The following ZMAT4 variants were observed in gnomAD, a reference collection of about 807,000 sequenced individuals.
The protein encoded by ZMAT4 is zinc finger matrin-type protein 4.
A neutral mutation model predicts 28.7 loss-of-function variants in ZMAT4; 17 were observed. The observed-to-expected ratio is 0.59, with a 90% CI of 0.41 to 0.89. The LOEUF is 0.89. ZMAT4 is among the 40% of genes least tolerant of loss of function. The pLI is 0.00. For missense variants in ZMAT4, 240 were observed against 283.8 expected (o/e 0.85, Z 1.11); for synonymous variants, 117 against 109.2 (o/e 1.07, Z -0.44).
At chr8:40,651,581 A>C (rs1807652251) in intron 5 of ZMAT4, among the ~76,000 whole-genome samples, 1 of 148,278 alleles carries the variant, frequency 6.7e-6, no homozygotes, top group Non-Finnish European at 1.5e-5. Flanking sequence ...AAACTACTTT[A>C]AAGTTCATAT....
At chr8:40,623,044 G>A (rs770206138) in intron 5 of ZMAT4, among the ~76,000 whole-genome samples, 2 of 152,220 alleles carry the variant, frequency 1.3e-5, no homozygotes, top group Non-Finnish European at 2.9e-5. Context: ...GTCAGAGTCT[G>A]TATTAAGTAC....
At chr8:40,698,662 T>C (rs567122274) in intron 3 of ZMAT4, among the ~76,000 whole-genome samples, 1 of 152,346 alleles carries the variant, frequency 6.6e-6, no homozygotes, top group South Asian at 2.1e-4. Flanking sequence ...TCCAGACTGC[T>C]AGAGAGAGTG....
intron 2 of ZMAT4, among the ~76,000 whole-genome samples, chr8:40,782,123 C>T (rs1813860291): frequency 6.6e-6 from 1 of 152,134 alleles, no homozygotes. Flanking sequence ...ACCGGTGGCT[C>T]ACACCTGTAA....
intron 1 of ZMAT4, among the ~76,000 whole-genome samples, chr8:40,841,758 TG>T (rs1312078549): frequency 6.6e-6 from 1 of 152,218 alleles, no homozygotes; most frequent in Non-Finnish European, 1.5e-5. Context: ...TAAAATGCAC[TG>T]GGAATGGAGT....
At chr8:40,645,599 A>C (rs555827878) in intron 5 of ZMAT4, among the ~76,000 whole-genome samples, 102 of 152,278 alleles carry the variant, frequency 6.7e-4, no homozygotes, top group African/African-American at 2.4e-3. Context: ...TCTTAGCCTA[A>C]AAACTGGAGC....
chr8:40,851,152 C>A lies in ZMAT4; in HGVS notation c.-4-25472G>T, dbSNP rs372068535. ...GACCAGCCTGGCCAACATGGTGAAA[C>A]CCTGTCTCTGCTAAAAATATAAAAC... On this transcript the variant is annotated intron_variant, in intron 1 of 6. Transcript: ENST00000297737. Among the ~76,000 whole-genome samples, 34 of 152,158 alleles carry A rather than the reference C, an allele frequency of 2.2e-4. No homozygotes were observed. The East Asian group carries it at 6.2e-3, about 28-fold the overall frequency.
In ZMAT4 at chr8:40,643,668, G is replaced by A. The variant is rs113211895; in HGVS notation, c.577+31036C>T. On this transcript the variant is annotated intron_variant, in intron 5 of 6. Coordinates refer to ENST00000297737, the MANE Select transcript of ZMAT4 (RefSeq NM_024645.3). ...ACAGAGCCCGGTGGAGAGAGGAAGC[G>A]AGCCCAGCCTGGAAGCATTCTATAG... Among the ~76,000 whole-genome samples the A allele has an allele frequency of 2.2e-4, 33 of 152,010 alleles. 1 individual carries two copies. The highest frequency in any genetic ancestry group is 7.2e-4 in the African/African-American group (30 of 41,470).
At chr8:40,790,113 A>G (rs1428570726) in intron 2 of ZMAT4, among the ~76,000 whole-genome samples, 1 of 152,160 alleles carries the variant, frequency 6.6e-6, no homozygotes, top group Non-Finnish European at 1.5e-5. Context: ...GTTAAACACA[A>G]ATGATTGTGG....
At chr8:40,617,191 A>T (rs2118679065) in intron 5 of ZMAT4, among the ~76,000 whole-genome samples, 1 of 152,320 alleles carries the variant, frequency 6.6e-6, no homozygotes, top group South Asian at 2.1e-4. Flanking sequence ...AAAGTGTAAA[A>T]ATACAGAGTA....
chr8:40,891,547 TC>T (rs1818688529), intron 1 of ZMAT4, among the ~76,000 whole-genome samples: 1 of 152,086 alleles, frequency 6.6e-6, no homozygotes, highest in African/African-American at 2.4e-5. Flanking sequence ...CCCCTGGCGT[TC>T]CCTGGGCCCT....
At chr8:40,568,967 T>C (rs1804009313) in intron 6 of ZMAT4, among the ~76,000 whole-genome samples, 2 of 152,342 alleles carry the variant, frequency 1.3e-5, no homozygotes, top group Middle Eastern at 3.4e-3. Flanking sequence ...AACTAGATTA[T>C]TAATTGTTAA....
chr8:40,783,447 C>T, intron 2 of ZMAT4, among the ~76,000 whole-genome samples: 1 of 152,144 alleles, frequency 6.6e-6, no homozygotes, highest in East Asian at 1.9e-4. Context: ...ACCTATGCTG[C>T]TAGTGAGTTT....
intron 5 of ZMAT4, among the ~76,000 whole-genome samples, chr8:40,608,934 C>T (rs1456591478): frequency 2.6e-5 from 4 of 152,164 alleles, no homozygotes; most frequent in African/African-American, 7.2e-5. Context: ...AGCTGTCTCA[C>T]AGTGGCAAGT....
chr8:40,820,158 A>ATG (rs138729547), intron 2 of ZMAT4, among the ~76,000 whole-genome samples: 2,979 of 147,258 alleles, frequency 0.02, 38 homozygotes, highest in African/African-American at 0.034. Flanking sequence ...ATATGCGAAT[A>ATG]TGTGTGTGTG....
chr8:40,536,479 G>T (rs533080338), intron 6 of ZMAT4, among the ~76,000 whole-genome samples: 1 of 152,276 alleles, frequency 6.6e-6, no homozygotes, highest in South Asian at 2.1e-4. Flanking sequence ...GACACATAAA[G>T]GTCACTGTAA....
At chr8:40,746,226 TCCC>T (rs1812209836) in intron 3 of ZMAT4, among the ~76,000 whole-genome samples, 3 of 4,906 alleles carry the variant, frequency 6.1e-4, no homozygotes, top group South Asian at 0.013. Context: ...CCTCCTTCCC[TCCC>T]TCCCTCCCTC....
chr8:40,651,140 C>T (rs1807627218), intron 5 of ZMAT4, among the ~76,000 whole-genome samples: 1 of 151,962 alleles, frequency 6.6e-6, no homozygotes, highest in Non-Finnish European at 1.5e-5. Context: ...TCAAATTGTC[C>T]CTGTTTGCAG....
At chr8:40,891,243 C>G (rs1368905690) in intron 1 of ZMAT4, among the ~76,000 whole-genome samples, 2 of 1,014 alleles carry the variant, frequency 2.0e-3, no homozygotes, top group Non-Finnish European at 4.4e-3. Flanking sequence ...GAGAGGAGAG[C>G]AAGGGGGAAG....
chr8:40,878,502 G>A (rs1388654527), intron 1 of ZMAT4, among the ~76,000 whole-genome samples: 1 of 152,158 alleles, frequency 6.6e-6, no homozygotes, highest in Admixed American at 6.5e-5. Flanking sequence ...TCAGAAGTAA[G>A]TTGTCCAACT....
Sources: gnomAD v4.1 joint callset for allele counts (sites outside exome capture counted in the v4.1 genomes callset) on GRCh38, gnomAD v4.1.1 for gene constraint, MANE v1.5 for transcripts, NCBI Gene and HGNC (gene_info 2026-07-23, HGNC 2026-07-21) for gene names.